The following FCRL5 variants were observed in gnomAD, a reference collection of about 807,000 sequenced individuals.
FCRL5 encodes the protein Fc receptor-like protein 5.
Under a neutral mutation model 92.1 loss-of-function variants are expected in FCRL5, and 79 were observed. That is an observed-to-expected ratio of 0.86 (90% CI 0.72 to 1.03). FCRL5 has a LOEUF of 1.03. Ranked by LOEUF, FCRL5 falls within the 50% of genes least tolerant of loss-of-function variation. The pLI, the probability that FCRL5 is intolerant of heterozygous loss-of-function variation, is 0.00. For missense variants in FCRL5, 1,160 were observed against 1,181.1 expected (o/e 0.98, Z 0.26); for synonymous variants, 466 against 469.3 (o/e 0.99, Z 0.09).
intron 8 of FCRL5, 57 bp from the exon 9 acceptor site, chr1:157,527,952 T>C (rs1171300540): frequency 4.0e-6 from 6 of 1,481,668 alleles, no homozygotes; most frequent in Non-Finnish European, 5.4e-6. Context: ...AACAGCTCTT[T>C]GTCCTAGCCA....
chr1:157,550,701 G>A (rs849836), intron 1 of FCRL5, among the ~76,000 whole-genome samples: 133,297 of 152,216 alleles, frequency 0.88, 58,451 homozygotes, highest in East Asian at 1. Flanking sequence ...TTCCTTTAAT[G>A]TTCACTAAAT....
At chr1:157,538,017 C>T (rs1473078897) in intron 7 of FCRL5, among the ~76,000 whole-genome samples, 1 of 152,126 alleles carries the variant, frequency 6.6e-6, no homozygotes, top group Non-Finnish European at 1.5e-5. Flanking sequence ...TTAGATGCAT[C>T]CTTAGATGTC....
In FCRL5 at chr1:157,521,290, G is replaced by C. The variant is rs778589860; in HGVS notation, c.2242C>G (p.Pro748Ala). 1 of 1,597,090 alleles carries C rather than the reference G, an allele frequency of 6.3e-7. No individual in the cohort carries two copies. Reference sequence around the variant, plus strand: ...AGGGTGAGGACCGGGCGAGACACCGGAACTGAAAGAGAACAAAAAGTCAAC... The same window carrying C: ...AGGGTGAGGACCGGGCGAGACACCGCAACTGAAAGAGAACAAAAAGTCAAC... ...SEMVTLKVAVPVSRPVLTLRA... is the reference protein window; with the variant it reads ...SEMVTLKVAVAVSRPVLTLRA... The change falls in exon 11 of 17, where the codon CCG becomes GCG. Residue 748 changes from proline to alanine, a missense_variant and splice_region_variant. Pro to Ala is a conservative substitution (Grantham distance 27). Coordinates refer to ENST00000361835, the MANE Select transcript of FCRL5 (RefSeq NM_031281.3).
intron 12 of FCRL5, among the ~76,000 whole-genome samples, chr1:157,520,035 A>C (rs1650104965): frequency 6.6e-6 from 1 of 152,230 alleles, no homozygotes; most frequent in Non-Finnish European, 1.5e-5. Context: ...AGGAAAACAG[A>C]CTTGATCAAC....
intron 5 of FCRL5, 149 bp downstream of exon 5, chr1:157,544,113 A>T: frequency 1.2e-6 from 1 of 803,846 alleles, no homozygotes. Context: ...TAAGATGTTC[A>T]CAAGAGTAGA....
At position 157,540,958 on chromosome 1, in the gene FCRL5, C is replaced by T. The variant is rs148311577; in HGVS notation, c.1124-1594G>A. ...TTCACAGATGAACATGCTGAGGCCC[C>T]GAGTGGGTGAGTCACACAGCTAGTA... On this transcript the variant is annotated intron_variant, in intron 6 of 16. Transcript: ENST00000361835. Among the ~76,000 whole-genome samples the T allele has an allele frequency of 7.7e-3, 1,173 of 152,250 alleles. 9 individuals are homozygous for T. The highest frequency in any genetic ancestry group is 0.019 in the African/African-American group (792 of 41,520).
In FCRL5 at chr1:157,514,511, C is replaced by T. The variant is rs890883508; in HGVS notation, c.*1164G>A. The stretch of plus-strand genomic sequence containing the variant: ...AGGGAGCAGCACGATCCGTGTGAAC[C>T]GAGTTGGGCCCTGGGCAGCCAGAGC... On this transcript the variant is annotated 3_prime_UTR_variant, in exon 17 of 17. Coordinates refer to ENST00000361835, the MANE Select transcript of FCRL5 (RefSeq NM_031281.3). The T allele has an allele frequency of 1.3e-5, 2 of 152,200 alleles. No individual in the cohort carries two copies. Among genetic ancestry groups the T allele is most frequent in the African/African-American group, 2.4e-5 (1 of 41,440 alleles). 9.4% of individuals were successfully genotyped at this position (152,200 alleles called of 1,614,324 possible). A position where few individuals can be genotyped will look rare whatever the true frequency, so the allele number is the denominator to read the frequency against.
intron 2 of FCRL5, among the ~76,000 whole-genome samples, chr1:157,547,849 A>C (rs1297199806): frequency 1.3e-5 from 2 of 152,210 alleles, no homozygotes; most frequent in Non-Finnish European, 2.9e-5. Context: ...CTCAGAGCCA[A>C]AGGAATGGCA....
Position 157,547,050 on chromosome 1 carries a change from A to G in FCRL5, c.200T>C (p.Leu67Pro). The G allele has an allele frequency of 1.2e-6, 2 of 1,614,164 alleles. No individual in the cohort carries two copies. Among genetic ancestry groups the G allele is most frequent in the Non-Finnish European group, 1.7e-6 (2 of 1,180,040 alleles). Residue 67 changes from leucine to proline, a missense_variant, in exon 3 of 17, where the codon CTA becomes CCA. Physicochemically the swap from Leu to Pro is moderately conservative, Grantham distance 98. Transcript: ENST00000361835. ...AAGGATATTGTCTGGGGTTTCTCTT[A>G]GTATTTCTTTCCCAAGGTACCGATG... ...WYHRYLGKEI[L>P]RETPDNILEV...
chr1:157,526,851 A>G (rs531040611), intron 9 of FCRL5, among the ~76,000 whole-genome samples: 1 of 152,140 alleles, frequency 6.6e-6, no homozygotes, highest in South Asian at 2.1e-4. Context: ...TTGTCAGATA[A>G]TAAGGGCTTA....
chr1:157,519,868 T>C, intron 12 of FCRL5, 98 bp from the exon 13 acceptor site: 1 of 1,273,664 alleles, frequency 7.9e-7, no homozygotes, highest in Non-Finnish European at 1.1e-6. Context: ...CAGGAGTTGC[T>C]GTCACTGAAG....
rs775286766 is a variant in FCRL5 at position 157,539,219 on chromosome 1, A to C, written c.1269T>G (p.Arg423=). ...CTCCTCCTGCAGAGTTGGCCGACCT[A>C]CGCTCCAGGGCAGCACCCTCATGAT... is the stretch of plus-strand genomic sequence containing the variant. ...QFHHEGAALE[R]RSANSAGGVA... Residue 423 remains arginine (R), a synonymous_variant, in exon 7 of 17, where the codon CGT becomes CGG. Transcript: ENST00000361835. 1 of 1,614,204 alleles carries C rather than the reference A, an allele frequency of 6.2e-7. No individual in the cohort carries two copies.
Position 157,544,528 on chromosome 1 carries a change from A to T in FCRL5, c.578T>A (p.Val193Glu), listed in dbSNP as rs1651436628. The change falls in exon 5 of 17, where the codon GTG becomes GAG. Residue 193 changes from valine to glutamate, a missense_variant. Physicochemically the swap from Val to Glu is moderately radical, Grantham distance 121. Coordinates refer to ENST00000361835, the MANE Select transcript of FCRL5 (RefSeq NM_031281.3). The part of the protein sequence containing the change: ...IQVQEPFTRP[V>E]LRASSFQPIS... Reference sequence around the variant, plus strand: ...GGGCTGGAAGGAGCTGGCTCTCAGCACTGGACGTGTAAATGGCTCTAGAGA... The same window carrying T: ...GGGCTGGAAGGAGCTGGCTCTCAGCTCTGGACGTGTAAATGGCTCTAGAGA... The T allele has an allele frequency of 6.2e-7, 1 of 1,613,924 alleles. No homozygotes were observed. Among genetic ancestry groups the T allele is most frequent in the South Asian group, 1.1e-5 (1 of 91,080 alleles).
At chr1:157,547,401 C>A in intron 2 of FCRL5, 2 of 759,932 alleles carry the variant, frequency 2.6e-6, no homozygotes, top group South Asian at 2.8e-5. Context: ...TGGCAATGAG[C>A]AAAATGATTT....
At position 157,524,308 on chromosome 1, in the gene FCRL5, C is replaced by T. The variant is rs182413546; in HGVS notation, c.2210G>A (p.Arg737His). Residue 737 changes from arginine (R) to histidine (H), a missense_variant, in exon 10 of 17, where the codon CGC (arginine) becomes CAC (histidine). Coordinates refer to ENST00000361835, the MANE Select transcript of FCRL5 (RefSeq NM_031281.3). ...CEADNGLEAQ[R>H]SEMVTLKVAV... ...AACTTTCAGTGTCACCATCTCACTG[C>T]GCTGGGCCTCCAGACCATTGTCTGC... 161 of 1,614,278 alleles carry T rather than the reference C, an allele frequency of 1.0e-4. No homozygotes were observed. The highest frequency in any genetic ancestry group is 6.6e-4 in the Middle Eastern group (4 of 6,062).
chr1:157,535,569 G>A (rs1352131108), intron 7 of FCRL5, among the ~76,000 whole-genome samples: 2 of 151,760 alleles, frequency 1.3e-5, no homozygotes, highest in Non-Finnish European at 2.9e-5. Flanking sequence ...TTACAACTCA[G>A]TTTTTACCCC....
chr1:157,540,576 G>A lies in FCRL5; in HGVS notation c.1124-1212C>T, dbSNP rs927800282. On this transcript the variant is annotated intron_variant, in intron 6 of 16. Coordinates refer to ENST00000361835, the MANE Select transcript of FCRL5 (RefSeq NM_031281.3). ...TAGAAAAACAACCCTATTTGCATTT[G>A]CAGTTCCTCACAGTCGGTTTCTCCG... Among the ~76,000 whole-genome samples, 37 of 149,974 alleles carry A rather than the reference G, an allele frequency of 2.5e-4. 1 individual carries two copies. The highest frequency in any genetic ancestry group is 9.0e-4 in the African/African-American group (37 of 40,914).
intron 8 of FCRL5, among the ~76,000 whole-genome samples, chr1:157,531,694 C>A (rs1650704493): frequency 6.6e-6 from 1 of 152,102 alleles, no homozygotes; most frequent in Non-Finnish European, 1.5e-5. Context: ...TGGAGGATAT[C>A]ATATTTAATG....
rs1649833133 is a variant in FCRL5, at chr1:157,514,370, C to T, written c.*1305G>A. On this transcript the variant is annotated 3_prime_UTR_variant, in exon 17 of 17. Transcript: ENST00000361835. ...AAGTGTGAGGCCTGAGGTGGGGAAACAAAGATAGTGGCAGCTACTTTCCGC... is the reference window on the plus strand; with the variant it reads ...AAGTGTGAGGCCTGAGGTGGGGAAATAAAGATAGTGGCAGCTACTTTCCGC... The T allele has an allele frequency of 6.6e-6, 1 of 152,202 alleles. No homozygotes were observed. The highest frequency in any genetic ancestry group is 2.4e-5 in the African/African-American group (1 of 41,448). The allele number at this position is 152,202 out of a possible 1,614,324, so 9.4% of individuals were successfully genotyped here. A position where few individuals can be genotyped will look rare whatever the true frequency, so the allele number is the denominator to read the frequency against.
Sources: allele counts gnomAD v4.1 joint callset (sites outside exome capture counted in the v4.1 genomes callset), GRCh38; gene constraint gnomAD v4.1.1; transcripts MANE v1.5; gene names NCBI Gene and HGNC (gene_info 2026-07-23, HGNC 2026-07-21).